Variants in POLR2F observed in about 807,000 individuals in gnomAD.
The protein encoded by POLR2F is DNA-directed RNA polymerases I, II, and III subunit RPABC2.
Under a neutral mutation model 22.7 loss-of-function variants are expected in POLR2F, and 12 were observed. That is an observed-to-expected ratio of 0.53 (90% CI 0.34 to 0.86). The LOEUF (loss-of-function observed/expected upper bound fraction) is 0.86. POLR2F is among the 40% of genes least tolerant of loss of function. The pLI, the probability that POLR2F is intolerant of heterozygous loss-of-function variation, is 0.02. For missense variants in POLR2F, 126 were observed against 171.5 expected, an observed-to-expected ratio of 0.73 and a Z score of 1.48; for synonymous variants, 57 against 66.0, an observed-to-expected ratio of 0.86 and a Z score of 0.66.
intron 1 of POLR2F, among the ~76,000 whole-genome samples, chr22:38,018,624 T>G (rs1393283241): frequency 6.6e-6 from 1 of 152,026 alleles, no homozygotes; most frequent in Non-Finnish European, 1.5e-5. Context: ...GTGTTTTGAC[T>G]GTGAGGTGGC....
chr22:37,969,351 T>A, downstream of POLR2F: 1 of 983,598 alleles, frequency 1.0e-6, no homozygotes, highest in African/African-American at 1.7e-5. Context: ...GCATAGTCTC[T>A]TGAGTCATTT....
intron 5 of POLR2F, among the ~76,000 whole-genome samples, chr22:38,039,763 G>A (rs1453738594): frequency 1.3e-5 from 2 of 152,230 alleles, no homozygotes; most frequent in Non-Finnish European, 2.9e-5. Context: ...GGAACTGGAC[G>A]GGGTGGCGGG....
chr22:38,040,936 C>T, intron 5 of POLR2F: 2 of 1,459,544 alleles, frequency 1.4e-6, no homozygotes, highest in Non-Finnish European at 9.5e-7. Flanking sequence ...GTCAAGTCAG[C>T]CAGAGGAGAG....
At chr22:38,036,130 T>G (rs2085114201) in intron 5 of POLR2F, among the ~76,000 whole-genome samples, 1 of 151,948 alleles carries the variant, frequency 6.6e-6, no homozygotes, top group African/African-American at 2.4e-5. Flanking sequence ...CGTCTGCCAC[T>G]GCACCTGGCT....
chr22:38,038,886 AGCGGCCCTCAGG>A (rs891608566), intron 5 of POLR2F, among the ~76,000 whole-genome samples: 1 of 151,172 alleles, frequency 6.6e-6, no homozygotes, highest in Non-Finnish European at 1.5e-5. Context: ...CCATCTTGCG[AGCGGCCCTCAGG>A]GCGGCCTGGG....
chr22:37,990,402 C>T (rs1601893219), intron 1 of POLR2F, among the ~76,000 whole-genome samples: 3 of 152,388 alleles, frequency 2.0e-5, no homozygotes, highest in Admixed American at 2.0e-4. Flanking sequence ...GCAGCCTGGC[C>T]TCTGCTCTCT....
rs2084914936 is a variant in POLR2F, at chr22:38,016,318, G to T, written c.121-9551G>T. ...GAGGCATTACTCTGGACAAAGCCCCGGCCCAAAGGCATTTGGGAGCCTGCT... is the reference window on the plus strand; with the variant it reads ...GAGGCATTACTCTGGACAAAGCCCCTGCCCAAAGGCATTTGGGAGCCTGCT... On this transcript the variant is annotated intron_variant, in intron 1 of 2. Transcript: ENST00000333418. The surrounding 1 kb of genome is among the most constrained non-coding windows in gnomAD (Gnocchi z 4.4). Among the ~76,000 whole-genome samples, 1 of 152,172 alleles carries T rather than the reference G, an allele frequency of 6.6e-6. No homozygotes were observed. Among genetic ancestry groups the T allele is most frequent in the Non-Finnish European group, 1.5e-5 (1 of 68,042 alleles).
Position 37,998,432 on chromosome 22 carries a change from AC to A in POLR2F, c.120+12121del, listed in dbSNP as rs1404005632. Among the ~76,000 whole-genome samples, 23 of 152,256 alleles carry A rather than the reference AC, an allele frequency of 1.5e-4. No individual in the cohort carries two copies. The East Asian group carries it at 4.5e-3, about 29-fold the overall frequency. ...GGGGAGGCTGTGGACCCTGGGCCTCACACTTACATCTGGACAGGCCTTCTGA... is the reference window on the plus strand; with the variant it reads ...GGGGAGGCTGTGGACCCTGGGCCTCAACTTACATCTGGACAGGCCTTCTGA... On this transcript the variant is annotated intron_variant, in intron 1 of 2. Coordinates refer to the POLR2F transcript ENST00000333418.
rs1397110930 is a variant in POLR2F, at chr22:37,986,274, C to T, written c.84C>T (p.Cys28=). ...CAGTCGCCTCCAACACCCGCTGCTG[C>T]CCGCCCGCTGCCTGCCTGCCTGGCA... Residue 28 remains cysteine (C), a synonymous_variant, in exon 1 of 3, where the codon TGC becomes TGT. Coordinates refer to the POLR2F transcript ENST00000333418. This position sits in a 1 kb window ranked among gnomAD's most constrained non-coding sequence, Gnocchi z 4.7. The T allele has an allele frequency of 6.5e-7, 1 of 1,539,014 alleles. No homozygotes were observed.
chr22:37,958,196 T>TC (rs1292320379), intron 2 of POLR2F, among the ~76,000 whole-genome samples: 1 of 151,128 alleles, frequency 6.6e-6, no homozygotes, highest in East Asian at 1.9e-4. Context: ...ACTTTTTTTT[T>TC]TTTTTTTTTT....
chr22:38,034,097 C>G (rs146630614), intron 5 of POLR2F: 1 of 168,430 alleles, frequency 5.9e-6, no homozygotes, highest in Non-Finnish European at 1.5e-5. Context: ...TCCCGACTCC[C>G]CTTGTCAGCT....
intron 1 of POLR2F, among the ~76,000 whole-genome samples, chr22:37,993,014 C>G (rs1323907305): frequency 1.3e-5 from 2 of 152,132 alleles, no homozygotes; most frequent in East Asian, 3.9e-4. Flanking sequence ...TCATACATGT[C>G]TAGACACTAG....
At chr22:37,956,658 C>G in intron 1 of POLR2F, 115 bp from the exon 2 acceptor site, 1 of 809,104 alleles carries the variant, frequency 1.2e-6, no homozygotes, top group Non-Finnish European at 2.1e-6. Context: ...CTCAAGTGAT[C>G]CGCCCACTTC....
At chr22:37,999,376 C>G (rs971417572) in intron 1 of POLR2F, among the ~76,000 whole-genome samples, 5 of 152,182 alleles carry the variant, frequency 3.3e-5, no homozygotes, top group Admixed American at 6.5e-5. Flanking sequence ...GGGGCTCAGC[C>G]TTCCTCGTCA....
intron 1 of POLR2F, among the ~76,000 whole-genome samples, chr22:38,002,572 C>CATA (rs776520555): frequency 6.6e-6 from 1 of 151,314 alleles, no homozygotes; most frequent in Non-Finnish European, 1.5e-5. Context: ...TGGGTTTCAC[C>CATA]ATGTTGGCTG....
downstream of POLR2F, chr22:37,974,230 C>A: frequency 6.5e-7 from 1 of 1,531,176 alleles, no homozygotes; most frequent in Non-Finnish European, 8.9e-7. This position sits in a 1 kb window ranked among gnomAD's most constrained non-coding sequence, Gnocchi z 5.4. Flanking sequence ...AGAGAGAGCG[C>A]AAGGGGGAAG....
chr22:38,025,080 T>C (rs915818177), intron 1 of POLR2F, among the ~76,000 whole-genome samples: 11 of 152,174 alleles, frequency 7.2e-5, no homozygotes, highest in Non-Finnish European at 1.3e-4. Context: ...AGGTCCCTTC[T>C]GTCTCCTGGT....
chr22:38,006,863 C>G (rs1474519107), intron 1 of POLR2F, among the ~76,000 whole-genome samples: 1 of 152,190 alleles, frequency 6.6e-6, no homozygotes, highest in Non-Finnish European at 1.5e-5. Flanking sequence ...CCTGCCTCAC[C>G]CAACAGAGGT....
At chr22:38,013,365 C>T (rs1345988430) in intron 1 of POLR2F, among the ~76,000 whole-genome samples, 2 of 152,098 alleles carry the variant, frequency 1.3e-5, no homozygotes, top group African/African-American at 2.4e-5. Flanking sequence ...AGGCTGATCT[C>T]GAACTCCTGA....
Sources: allele counts gnomAD v4.1 joint callset (sites outside exome capture counted in the v4.1 genomes callset), GRCh38; gene constraint gnomAD v4.1.1; non-coding constraint Gnocchi (gnomAD v3.1); transcripts MANE v1.5; gene names NCBI Gene and HGNC (gene_info 2026-07-23, HGNC 2026-07-21).